BANF2: variants seen among roughly 807,000 people sequenced by gnomAD.
BANF2 encodes BANF family member 2, also known as barrier-to-autointegration factor-like protein.
In BANF2, 4 loss-of-function variants were observed where a neutral mutation model predicts 8.0. The observed-to-expected ratio is 0.50, with a 90% CI of 0.25 to 1.14. The LOEUF (loss-of-function observed/expected upper bound fraction) is 1.14. BANF2 is among the 50% of genes most tolerant of loss of function. The pLI is 0.16. For missense variants in BANF2, 96 were observed against 107.5 expected (o/e 0.89, Z 0.47); for synonymous variants, 50 against 40.6 (o/e 1.23, Z -0.88).
At chr20:17,732,219 C>G (rs1380206075) in intron 3 of BANF2, among the ~76,000 whole-genome samples, 5 of 152,286 alleles carry the variant, frequency 3.3e-5, no homozygotes, top group Non-Finnish European at 5.9e-5. Flanking sequence ...GAACCCAACC[C>G]TGGCATAGGC....
chr20:17,725,769 A>G (rs1253270407), intron 3 of BANF2, among the ~76,000 whole-genome samples: 1 of 152,252 alleles, frequency 6.6e-6, no homozygotes, highest in East Asian at 1.9e-4. Flanking sequence ...GAGCACAGAC[A>G]AGGCAGGCTG....
intron 3 of BANF2, among the ~76,000 whole-genome samples, chr20:17,726,357 TTG>T (rs995963289): frequency 1.3e-5 from 2 of 152,094 alleles, no homozygotes; most frequent in African/African-American, 4.8e-5. Context: ...GGTTAATTTT[TTG>T]TGTTTCTTGT....
intron 2 of BANF2, among the ~76,000 whole-genome samples, chr20:17,723,229 C>T (rs1287669867): frequency 1.3e-5 from 2 of 152,210 alleles, no homozygotes; most frequent in East Asian, 3.8e-4. Flanking sequence ...AGGTAGAACA[C>T]ACATATCAAA....
At chr20:17,724,472 G>A (rs543882529) in intron 2 of BANF2, among the ~76,000 whole-genome samples, 1 of 152,316 alleles carries the variant, frequency 6.6e-6, no homozygotes, top group African/African-American at 2.4e-5. Flanking sequence ...CCAACACAAG[G>A]AGGGAAAGCT....
At chr20:17,718,113 T>G (rs904113818) in intron 1 of BANF2, among the ~76,000 whole-genome samples, 1 of 152,252 alleles carries the variant, frequency 6.6e-6, no homozygotes, top group African/African-American at 2.4e-5. Flanking sequence ...AAATAATACA[T>G]GAAAATATTG....
chr20:17,698,721 T>C (rs528346081), upstream of BANF2, among the ~76,000 whole-genome samples: 32 of 152,314 alleles, frequency 2.1e-4, 1 homozygote, highest in South Asian at 6.0e-3. Context: ...AATGAAGTTG[T>C]AAGGCCAAGA....
chr20:17,722,634 C>A, intron 1 of BANF2, 82 bp from the exon 2 acceptor site: 1 of 734,736 alleles, frequency 1.4e-6, no homozygotes, highest in Non-Finnish European at 1.7e-6. Flanking sequence ...TCGATGCCCT[C>A]GGCTCACACA....
chr20:17,721,779 C>A (rs151008193), intron 1 of BANF2, among the ~76,000 whole-genome samples: 2 of 152,292 alleles, frequency 1.3e-5, no homozygotes, highest in East Asian at 3.9e-4. Flanking sequence ...GATCCTGGGT[C>A]CACCTCATCA....
intron 1 of BANF2, among the ~76,000 whole-genome samples, chr20:17,714,974 T>A (rs1453740968): frequency 2.0e-5 from 3 of 152,184 alleles, no homozygotes; most frequent in Non-Finnish European, 4.4e-5. Flanking sequence ...TTTTATACCA[T>A]CTAGAGACTG....
intron 2 of BANF2, among the ~76,000 whole-genome samples, chr20:17,723,290 G>A (rs1600224905): frequency 1.3e-5 from 2 of 152,318 alleles, no homozygotes; most frequent in African/African-American, 4.8e-5. Context: ...ACCAGAGAGG[G>A]CATTTGTTGG....
chr20:17,705,979 A>ACC (rs1282523322), intron 1 of BANF2, among the ~76,000 whole-genome samples: 5 of 152,312 alleles, frequency 3.3e-5, no homozygotes, highest in Non-Finnish European at 4.4e-5. Flanking sequence ...AAAGTGCCCA[A>ACC]CCCCTGCCTG....
chr20:17,727,801 G>C (rs112682818), intron 3 of BANF2, among the ~76,000 whole-genome samples: 255 of 152,304 alleles, frequency 1.7e-3, no homozygotes, highest in African/African-American at 5.4e-3. Context: ...CTGGGGTTCA[G>C]TGACGTGATC....
intron 1 of BANF2, among the ~76,000 whole-genome samples, chr20:17,717,301 C>T (rs1307166670): frequency 6.6e-6 from 1 of 152,090 alleles, no homozygotes; most frequent in Non-Finnish European, 1.5e-5. Context: ...TGCTACAAGA[C>T]TGGAGTGTTC....
chr20:17,715,244 G>A (rs2037633783), intron 1 of BANF2, among the ~76,000 whole-genome samples: 1 of 152,282 alleles, frequency 6.6e-6, no homozygotes, highest in South Asian at 2.1e-4. Context: ...CCCTGCCTTT[G>A]GGAATGCCTC....
At chr20:17,710,156 G>T (rs2037547921) in intron 1 of BANF2, among the ~76,000 whole-genome samples, 1 of 152,232 alleles carries the variant, frequency 6.6e-6, no homozygotes, top group African/African-American at 2.4e-5. Context: ...GCCGAGGGCT[G>T]CTCCCAAGGT....
chr20:17,726,859 C>A (rs779624071), intron 3 of BANF2, among the ~76,000 whole-genome samples: 4 of 152,082 alleles, frequency 2.6e-5, no homozygotes, highest in Non-Finnish European at 5.9e-5. Context: ...TAAATTTCAC[C>A]CTTTTTAGTA....
chr20:17,725,178 A>G (rs778763982), intron 3 of BANF2, 27 bp downstream of exon 3: 2 of 1,598,794 alleles, frequency 1.3e-6, no homozygotes, highest in South Asian at 2.2e-5. Flanking sequence ...TACTTCTCTG[A>G]CTTCTCTTCC....
intron 1 of BANF2, among the ~76,000 whole-genome samples, chr20:17,713,149 G>A (rs550025437): frequency 6.6e-6 from 1 of 152,244 alleles, no homozygotes; most frequent in East Asian, 1.9e-4. Context: ...CTACTAGGGA[G>A]GCTGAGGCAG....
intron 1 of BANF2, among the ~76,000 whole-genome samples, chr20:17,716,278 G>A (rs2037650810): frequency 6.6e-6 from 1 of 152,172 alleles, no homozygotes; most frequent in South Asian, 2.1e-4. Flanking sequence ...AGCCTAGGTG[G>A]GAGAGGGCTC....
Sources: allele counts gnomAD v4.1 joint callset (sites outside exome capture counted in the v4.1 genomes callset), GRCh38; gene constraint gnomAD v4.1.1; transcripts MANE v1.5; gene names NCBI Gene and HGNC (gene_info 2026-07-23, HGNC 2026-07-21).